The following ASXL2 variants were observed in gnomAD, a reference collection of about 807,000 sequenced individuals.
The protein encoded by ASXL2 is putative Polycomb group protein ASXL2.
Under a neutral mutation model 122.0 loss-of-function variants are expected in ASXL2, and 23 were observed. That is an observed-to-expected ratio of 0.19 (90% CI 0.14 to 0.27). ASXL2 has a LOEUF of 0.27. ASXL2 is among the 10% of genes least tolerant of loss of function. The pLI is 1.00. For synonymous variants in ASXL2, 650 were observed against 637.0 expected (o/e 1.02, Z -0.31); for missense variants, 1,518 against 1,713.8 (o/e 0.89, Z 2.02).
chr2:25,773,796 C>G (rs1192938951), intron 5 of ASXL2, among the ~76,000 whole-genome samples: 1 of 151,756 alleles, frequency 6.6e-6, no homozygotes, highest in Non-Finnish European at 1.5e-5. Context: ...CAAAGGGAGC[C>G]GAGGCAGGTG....
intron 5 of ASXL2, among the ~76,000 whole-genome samples, chr2:25,774,572 T>C (rs1408160435): frequency 1.3e-5 from 2 of 152,156 alleles, no homozygotes; most frequent in Non-Finnish European, 2.9e-5. Context: ...TTTAATAGCA[T>C]TGAATTCTGT....
At chr2:25,826,032 T>C (rs571095846) in intron 3 of ASXL2, among the ~76,000 whole-genome samples, 2 of 152,326 alleles carry the variant, frequency 1.3e-5, no homozygotes, top group South Asian at 4.1e-4. Flanking sequence ...TATACAAGCA[T>C]ACAACGTGGT....
At chr2:25,781,670 CTTTT>C (rs34167762) in intron 5 of ASXL2, among the ~76,000 whole-genome samples, 3 of 121,762 alleles carry the variant, frequency 2.5e-5, no homozygotes, top group South Asian at 2.7e-4. Flanking sequence ...ACACACCTGG[CTTTT>C]TTTTTTTTTT....
At chr2:25,818,862 T>A (rs2089272816) in intron 3 of ASXL2, among the ~76,000 whole-genome samples, 1 of 152,190 alleles carries the variant, frequency 6.6e-6, no homozygotes, top group African/African-American at 2.4e-5. Flanking sequence ...ACATAATTCC[T>A]TCCCCTGTAG....
intron 5 of ASXL2, among the ~76,000 whole-genome samples, chr2:25,783,969 G>A (rs2088692603): frequency 6.6e-6 from 1 of 151,780 alleles, no homozygotes; most frequent in South Asian, 2.1e-4. Context: ...CAGGAAAATT[G>A]CTTGAAATCG....
At chr2:25,868,360 G>A (rs2089926359) in intron 1 of ASXL2, among the ~76,000 whole-genome samples, 1 of 152,226 alleles carries the variant, frequency 6.6e-6, no homozygotes, top group Non-Finnish European at 1.5e-5. Context: ...AGTATCAACT[G>A]CTAATTAAAG....
At chr2:25,768,259 T>C (rs900520990) in intron 7 of ASXL2, among the ~76,000 whole-genome samples, 2 of 152,226 alleles carry the variant, frequency 1.3e-5, no homozygotes, top group Non-Finnish European at 2.9e-5. Flanking sequence ...GATTAGACCA[T>C]CTTTAAAGTC....
intron 4 of ASXL2, among the ~76,000 whole-genome samples, chr2:25,802,150 T>C (rs902032758): frequency 7.2e-5 from 11 of 152,206 alleles, no homozygotes; most frequent in African/African-American, 2.4e-4. Flanking sequence ...TTACTACTTA[T>C]CTGACAAAGT....
In ASXL2 at chr2:25,851,206, A is replaced by G. The variant is rs115532107; in HGVS notation, c.58-5643T>C. 8.1e-3 allele frequency among the ~76,000 whole-genome samples: 1,228 copies of G among 152,064 alleles called. 24 individuals are homozygous for G. The highest frequency in any genetic ancestry group is 0.028 in the African/African-American group (1,179 of 41,508). ...GGATAAGTAACTTATTTTTGTATTT[A>G]CTGTTTTCAGAATAATTAGCTGGTT... On this transcript the variant is annotated intron_variant, in intron 1 of 12. Coordinates refer to ENST00000435504, the MANE Select transcript of ASXL2 (RefSeq NM_018263.6).
intron 5 of ASXL2, among the ~76,000 whole-genome samples, chr2:25,788,462 G>C (rs2088781854): frequency 6.6e-6 from 1 of 152,056 alleles, no homozygotes; most frequent in Non-Finnish European, 1.5e-5. Flanking sequence ...ACTCCTTTCT[G>C]TTGGGTATAT....
intron 1 of ASXL2, among the ~76,000 whole-genome samples, chr2:25,868,881 T>A (rs554579232): frequency 6.6e-6 from 1 of 151,740 alleles, no homozygotes; most frequent in African/African-American, 2.4e-5. Flanking sequence ...ATACAAAACA[T>A]TGGCCAGGTG....
rs533341339 is a variant in ASXL2, at chr2:25,819,544, T to A, written c.144-13207A>T. ...TATTATGGTAAAAATGTCCTATCGATCCTGTGACACTCCTGCCAAAACTGC... is the reference window on the plus strand; with the variant it reads ...TATTATGGTAAAAATGTCCTATCGAACCTGTGACACTCCTGCCAAAACTGC... On this transcript the variant is annotated intron_variant, in intron 3 of 12. Transcript: ENST00000435504. Among the ~76,000 whole-genome samples, 4 of 152,264 alleles carry A rather than the reference T, an allele frequency of 2.6e-5. No homozygotes were observed. In the East Asian group the frequency reaches 7.7e-4, roughly 29 times the overall value.
At chr2:25,771,257 C>G (rs775702626) in intron 6 of ASXL2, among the ~76,000 whole-genome samples, 183 bp downstream of exon 6, 5 of 152,150 alleles carry the variant, frequency 3.3e-5, no homozygotes, top group Non-Finnish European at 7.4e-5. Context: ...CTACCAAAAA[C>G]GTATGTAACA....
rs1158410441 is a variant in ASXL2 at position 25,735,881 on chromosome 2, T to C, written c.*6148A>G. ...ATGTATTTGCCACTACTGTGTCCAG[T>C]GTCTCAAACACTTCCATTTCATAAC... On this transcript the variant is annotated 3_prime_UTR_variant, in exon 13 of 13. Coordinates refer to ENST00000435504, the MANE Select transcript of ASXL2 (RefSeq NM_018263.6). The C allele has an allele frequency of 6.6e-6, 1 of 152,204 alleles. No individual in the cohort carries two copies. The highest frequency in any genetic ancestry group is 1.5e-5 in the Non-Finnish European group (1 of 68,032). 9.4% of individuals were successfully genotyped at this position (152,204 alleles called of 1,614,324 possible). A position where few individuals can be genotyped will look rare whatever the true frequency, so the allele number is the denominator to read the frequency against.
intron 1 of ASXL2, among the ~76,000 whole-genome samples, chr2:25,848,254 T>C (rs2089672000): frequency 6.6e-6 from 1 of 152,262 alleles, no homozygotes; most frequent in Non-Finnish European, 1.5e-5. Context: ...CTTTCTAATA[T>C]ATTCTGCAAA....
At chr2:25,756,465 G>A (rs201681680) in intron 9 of ASXL2, among the ~76,000 whole-genome samples, 6,390 of 90,514 alleles carry the variant, frequency 0.071, 222 homozygotes, top group African/African-American at 0.12. Flanking sequence ...AAAAAAAAAA[G>A]AAAAAAAAAA....
intron 3 of ASXL2, among the ~76,000 whole-genome samples, chr2:25,811,608 T>C (rs1272953103): frequency 2.0e-5 from 3 of 152,056 alleles, no homozygotes; most frequent in Non-Finnish European, 4.4e-5. Flanking sequence ...AGCTCAAACT[T>C]AATAGTGGTT....
intron 4 of ASXL2, among the ~76,000 whole-genome samples, chr2:25,805,820 C>T (rs962664288): frequency 6.6e-6 from 1 of 152,108 alleles, no homozygotes; most frequent in Non-Finnish European, 1.5e-5. Context: ...GGACTACAGG[C>T]ACACACCGCT....
At chr2:25,817,121 CA>C (rs879525861) in intron 3 of ASXL2, among the ~76,000 whole-genome samples, 12 of 144,252 alleles carry the variant, frequency 8.3e-5, no homozygotes, top group Admixed American at 1.4e-4. Flanking sequence ...GACTCTGTCT[CA>C]AAAAAAAAAA....
Sources: gnomAD v4.1 joint callset for allele counts (sites outside exome capture counted in the v4.1 genomes callset) on GRCh38, gnomAD v4.1.1 for gene constraint, MANE v1.5 for transcripts, NCBI Gene and HGNC (gene_info 2026-07-23, HGNC 2026-07-21) for gene names.